Variants in FRMPD3 observed in about 807,000 individuals in gnomAD.
FRMPD3 encodes FERM and PDZ domain-containing protein 3.
A neutral mutation model predicts 97.9 loss-of-function variants in FRMPD3; 42 were observed. The ratio of observed to expected loss-of-function variants is 0.43; its 90% CI spans 0.34 to 0.55. The LOEUF is 0.55. FRMPD3 is among the 20% of genes least tolerant of loss of function. The probability of loss-of-function intolerance (pLI) is 0.03; values close to 1 mark genes in which losing one functional copy is unlikely to be tolerated. For synonymous variants in FRMPD3, 577 were observed against 581.1 expected (o/e 0.99, Z 0.10); for missense variants, 1,303 against 1,457.7 (o/e 0.89, Z 1.73).
intron 12 of FRMPD3, among the ~76,000 whole-genome samples, chrX:107,572,899 CTACTACTACTAA>C (rs1270440279): frequency 3.9e-5 from 4 of 102,913 alleles, no homozygotes; most frequent in Admixed American, 1.1e-4. Flanking sequence ...ACTACTACTA[CTACTACTACTAA>C]TAATAATAAT....
intron 1 of FRMPD3, among the ~76,000 whole-genome samples, chrX:107,450,207 C>T (rs1187561377): frequency 9.0e-6 from 1 of 111,151 alleles, no homozygotes; most frequent in Non-Finnish European, 1.9e-5. Flanking sequence ...CGTTGCGTGC[C>T]CACTGCCCCG....
At chrX:107,515,597 T>C (rs1211238576) in intron 1 of FRMPD3, among the ~76,000 whole-genome samples, 1 of 111,910 alleles carries the variant, frequency 8.9e-6, no homozygotes, top group Non-Finnish European at 1.9e-5. Flanking sequence ...GACATATGTG[T>C]AGAAAACGTT....
intron 12 of FRMPD3, among the ~76,000 whole-genome samples, chrX:107,573,712 C>T (rs17326682): frequency 0.015 from 1,688 of 112,265 alleles, 35 homozygotes; most frequent in Admixed American, 0.081. Flanking sequence ...AAAGTTGGGG[C>T]AGAGTCCAAA....
intron 1 of FRMPD3, among the ~76,000 whole-genome samples, chrX:107,473,244 C>T (rs756563554): frequency 7.2e-5 from 8 of 111,754 alleles, no homozygotes; most frequent in African/African-American, 1.3e-4. Context: ...TCTTTTTCTA[C>T]GGAAAGTATT....
intron 1 of FRMPD3, among the ~76,000 whole-genome samples, chrX:107,461,088 C>A (rs979254828): frequency 8.9e-6 from 1 of 111,916 alleles, no homozygotes; most frequent in African/African-American, 3.3e-5. Context: ...TCCCCCGACC[C>A]GCTTTAGAGA....
Position 107,603,651 on chromosome X carries a change from T to TTATC in FRMPD3, c.*280_*283dup, listed in dbSNP as rs941362067. On this transcript the variant is annotated 3_prime_UTR_variant, in exon 15 of 15. Coordinates refer to ENST00000683843, the MANE Select transcript of FRMPD3 (RefSeq NM_001388459.1). Reference sequence around the variant, plus strand: ...ACTCTGCTCACAGCAGAGCTGTATTTTATCTCTTCTCTGGGGCTGAGAGGT... The same window carrying TTATC: ...ACTCTGCTCACAGCAGAGCTGTATTTTATCTATCTCTTCTCTGGGGCTGAGAGGT... The TTATC allele has an allele frequency of 9.9e-6, 3 of 301,950 alleles. No homozygotes were observed. The highest frequency in any genetic ancestry group is 8.0e-5 in the African/African-American group (3 of 37,438). The allele number at this position is 301,950 out of a possible 1,213,427, so 24.9% of individuals were successfully genotyped here. A position where few individuals can be genotyped will look rare whatever the true frequency, so the allele number is the denominator to read the frequency against.
chrX:107,554,469 C>A lies in FRMPD3; in HGVS notation c.727C>A (p.Arg243=). The change falls in exon 8 of 15, where the codon CGG becomes AGG. Residue 243 remains arginine (R), a synonymous_variant. Coordinates refer to ENST00000683843, the MANE Select transcript of FRMPD3 (RefSeq NM_001388459.1). ...CAAAGACCCTGTGGAGCTGCTGCGT[C>A]GGGATCCTGCTGCTTTTGAGTACCT... ...FPKDPVELLR[R]DPAAFEYLYI... 3 of 1,209,919 alleles carry A rather than the reference C, an allele frequency of 2.5e-6. No homozygotes were observed. Among genetic ancestry groups the A allele is most frequent in the Non-Finnish European group, 3.4e-6 (3 of 894,962 alleles).
chrX:107,519,391 G>T (rs974480700), intron 1 of FRMPD3, among the ~76,000 whole-genome samples: 16 of 111,356 alleles, frequency 1.4e-4, no homozygotes, highest in Non-Finnish European at 2.4e-4. Flanking sequence ...CAGCTACTTG[G>T]GTGTCTGAGG....
chrX:107,581,108 T>C (rs1318180913), intron 13 of FRMPD3, among the ~76,000 whole-genome samples: 1 of 110,629 alleles, frequency 9.0e-6, no homozygotes, highest in Non-Finnish European at 1.9e-5. Context: ...TTTTGCTCTG[T>C]TTGTTTGTTT....
intron 1 of FRMPD3, among the ~76,000 whole-genome samples, chrX:107,486,678 A>G (rs1277305304): frequency 8.9e-6 from 1 of 111,820 alleles, no homozygotes; most frequent in Non-Finnish European, 1.9e-5. Flanking sequence ...TTATTTGTAG[A>G]TGCTCATTCT....
At chrX:107,463,367 T>G (rs962870971) in intron 1 of FRMPD3, among the ~76,000 whole-genome samples, 5 of 112,599 alleles carry the variant, frequency 4.4e-5, no homozygotes, top group Non-Finnish European at 7.5e-5. Flanking sequence ...AAATGTTGCC[T>G]CTTACAGTTG....
chrX:107,563,797 A>T (rs895046911), intron 11 of FRMPD3, among the ~76,000 whole-genome samples: 6 of 111,917 alleles, frequency 5.4e-5, no homozygotes, highest in Non-Finnish European at 9.4e-5. Flanking sequence ...ATACTCCCAC[A>T]GTCCCCTACC....
intron 1 of FRMPD3, among the ~76,000 whole-genome samples, chrX:107,491,274 G>A (rs955052878): frequency 8.9e-6 from 1 of 112,230 alleles, no homozygotes; most frequent in Non-Finnish European, 1.9e-5. Flanking sequence ...GCTAAGCACT[G>A]TACTAAAATG....
chrX:107,550,297 C>A, intron 6 of FRMPD3, 141 bp downstream of exon 6: 1 of 455,860 alleles, frequency 2.2e-6, no homozygotes, highest in Admixed American at 3.6e-5. Flanking sequence ...CTTGTTAGCA[C>A]AAGGCTGCAA....
intron 4 of FRMPD3, among the ~76,000 whole-genome samples, chrX:107,538,744 T>C (rs979141780): frequency 9.0e-6 from 1 of 111,166 alleles, no homozygotes; most frequent in Non-Finnish European, 1.9e-5. Context: ...CACTGCAACC[T>C]TTACCTCCTG....
chrX:107,568,383 C>T (rs914350954), intron 12 of FRMPD3, among the ~76,000 whole-genome samples: 1 of 65,734 alleles, frequency 1.5e-5, no homozygotes, highest in African/African-American at 5.9e-5. Context: ...CCCCTCCCCC[C>T]ACCCCACAAC....
intron 1 of FRMPD3, among the ~76,000 whole-genome samples, chrX:107,518,356 G>A (rs1386936118): frequency 9.0e-6 from 1 of 111,579 alleles, no homozygotes; most frequent in South Asian, 3.8e-4. Flanking sequence ...GGATGGTGTC[G>A]TAGAGAGTGG....
chrX:107,469,080 T>G (rs73521082), intron 1 of FRMPD3, among the ~76,000 whole-genome samples: 12,376 of 111,108 alleles, frequency 0.11, 1,489 homozygotes, highest in African/African-American at 0.36. Flanking sequence ...TGTAGAGTGG[T>G]GGTGGATTAT....
At chrX:107,521,396 A>G (rs775203795) in intron 1 of FRMPD3, among the ~76,000 whole-genome samples, 1 of 112,380 alleles carries the variant, frequency 8.9e-6, no homozygotes. Context: ...GAATTGTCAG[A>G]GTCTCAGACT....
Sources: gnomAD v4.1 joint callset for allele counts (sites outside exome capture counted in the v4.1 genomes callset) on GRCh38, gnomAD v4.1.1 for gene constraint, MANE v1.5 for transcripts, NCBI Gene and HGNC (gene_info 2026-07-23, HGNC 2026-07-21) for gene names.